ADGRD1: variants seen among roughly 807,000 people sequenced by gnomAD.
ADGRD1 encodes adhesion G protein-coupled receptor D1.
ADGRD1 carries 77 observed loss-of-function variants against 113.4 expected under a neutral mutation model. The observed-to-expected ratio is 0.68, with a 90% CI of 0.57 to 0.82. ADGRD1 has a LOEUF of 0.82. ADGRD1 is among the 40% of genes least tolerant of loss of function. ADGRD1 has a pLI of 0.00. For synonymous variants in ADGRD1, 474 were observed against 475.0 expected (o/e 1.00, Z 0.03); for missense variants, 1,036 against 1,139.1 (o/e 0.91, Z 1.30).
At chr12:131,097,416 C>T (rs1011492212) in intron 15 of ADGRD1, among the ~76,000 whole-genome samples, 1 of 152,236 alleles carries the variant, frequency 6.6e-6, no homozygotes, top group African/African-American at 2.4e-5. Flanking sequence ...CGTCCTGCAG[C>T]ACCCCTCAAG....
intron 13 of ADGRD1, among the ~76,000 whole-genome samples, chr12:131,045,408 C>T (rs888666934): frequency 1.3e-5 from 2 of 152,178 alleles, no homozygotes; most frequent in Non-Finnish European, 2.9e-5. Flanking sequence ...CAGGAGGATC[C>T]TGAAACTCTG....
chr12:131,120,774 A>G, intron 19 of ADGRD1, 73 bp from the exon 20 acceptor site: 1 of 1,463,050 alleles, frequency 6.8e-7, no homozygotes, highest in Non-Finnish European at 9.6e-7. Context: ...CACCTTAGCA[A>G]CTACTTTTGG....
At chr12:131,002,450 G>C (rs930559751) in intron 9 of ADGRD1, 3 of 902,096 alleles carry the variant, frequency 3.3e-6, no homozygotes, top group Non-Finnish European at 4.0e-6. Context: ...TCTGAAGTGC[G>C]TGTTTGTGGG....
rs1407746101 is a variant in ADGRD1, at chr12:131,096,131, G to A, written c.1672-8700G>A. Among the ~76,000 whole-genome samples, 7 of 152,286 alleles carry A rather than the reference G, an allele frequency of 4.6e-5. No homozygotes were observed. Among genetic ancestry groups the A allele is most frequent in the Admixed American group, 3.3e-4 (5 of 15,298 alleles). ...ACGCAGTTGCTGAGCCTGGGGCCCCGCTTTGCTCTTTGTTCTTTTTTTGTT... is the reference window on the plus strand; with the variant it reads ...ACGCAGTTGCTGAGCCTGGGGCCCCACTTTGCTCTTTGTTCTTTTTTTGTT... On this transcript the variant is annotated intron_variant, in intron 15 of 24. Coordinates refer to ENST00000261654, the MANE Select transcript of ADGRD1 (RefSeq NM_198827.5). The surrounding 1 kb of genome is among the most constrained non-coding windows in gnomAD (Gnocchi z 5.2).
chr12:130,963,624 A>G (rs1870673280), intron 2 of ADGRD1, among the ~76,000 whole-genome samples: 2 of 152,252 alleles, frequency 1.3e-5, no homozygotes, highest in African/African-American at 4.8e-5. Flanking sequence ...TATGAACCTT[A>G]GTATTCGTCC....
At chr12:131,045,177 C>G (rs983061472) in intron 13 of ADGRD1, among the ~76,000 whole-genome samples, 2 of 152,224 alleles carry the variant, frequency 1.3e-5, no homozygotes, top group African/African-American at 2.4e-5. Flanking sequence ...TCCGGGAGAG[C>G]GTGGATGAGC....
chr12:131,094,014 C>G (rs1396945222), intron 15 of ADGRD1, among the ~76,000 whole-genome samples: 9 of 98,292 alleles, frequency 9.2e-5, no homozygotes, highest in South Asian at 3.3e-4. Context: ...CACCCAGCCT[C>G]AGCACCCAGC....
intron 3 of ADGRD1, chr12:130,968,153 T>C (rs1175027631): frequency 6.6e-6 from 1 of 152,166 alleles, no homozygotes; most frequent in Non-Finnish European, 1.5e-5. Context: ...CTGAACTCAT[T>C]GTGGTGGCTT....
intron 13 of ADGRD1, among the ~76,000 whole-genome samples, chr12:131,033,437 C>T (rs1311857215): frequency 2.6e-5 from 4 of 152,230 alleles, no homozygotes; most frequent in Non-Finnish European, 4.4e-5. Context: ...CGTCCACATG[C>T]GGCCTTCCTT....
At position 131,098,324 on chromosome 12, in the gene ADGRD1, C is replaced by T. The variant is rs550161810; in HGVS notation, c.1672-6507C>T. Among the ~76,000 whole-genome samples, 13 of 152,152 alleles carry T rather than the reference C, an allele frequency of 8.5e-5. No individual in the cohort carries two copies. In the South Asian group the frequency reaches 1.7e-3, roughly 19 times the overall value. ...GGTGGATGGAGGCAGGTCAGAGGCA[C>T]GGGCTGGGGCTGGAGCATGCGGGGC... On this transcript the variant is annotated intron_variant, in intron 15 of 24. Transcript: ENST00000261654.
chr12:131,101,898 C>A (rs1470460329), intron 15 of ADGRD1, among the ~76,000 whole-genome samples: 2 of 152,146 alleles, frequency 1.3e-5, no homozygotes, highest in Non-Finnish European at 2.9e-5. Context: ...TGGTTTTATT[C>A]TTAGTTTCTG....
At chr12:131,130,578 T>C (rs747579931) in intron 20 of ADGRD1, among the ~76,000 whole-genome samples, 49 of 152,144 alleles carry the variant, frequency 3.2e-4, no homozygotes, top group Non-Finnish European at 5.1e-4. Context: ...GGGGAAGGGC[T>C]CACAGTGGAA....
chr12:131,046,126 G>A (rs1178512726), intron 13 of ADGRD1, among the ~76,000 whole-genome samples: 1 of 142,512 alleles, frequency 7.0e-6, no homozygotes, highest in South Asian at 2.3e-4. Flanking sequence ...GTCCTCCCTG[G>A]TCAGTGCTCC....
chr12:131,028,445 T>A (rs1435788931), intron 13 of ADGRD1, among the ~76,000 whole-genome samples: 1 of 152,210 alleles, frequency 6.6e-6, no homozygotes, highest in Non-Finnish European at 1.5e-5. Context: ...GTTTTCAACG[T>A]CAGTGCAGTC....
chr12:131,014,193 C>G lies in ADGRD1; in HGVS notation c.1332-6C>G. 1 of 1,613,284 alleles carries G rather than the reference C, an allele frequency of 6.2e-7. No homozygotes were observed. Among genetic ancestry groups the G allele is most frequent in the Middle Eastern group, 1.7e-4 (1 of 6,044 alleles). On this transcript the variant is annotated splice_polypyrimidine_tract_variant and splice_region_variant and intron_variant, in intron 12 of 24. Transcript: ENST00000261654. Reference sequence around the variant, plus strand: ...CATTTTGTAATGATTTCCGTCTCTTCCCAAGGATCGCGGAGGCCATGCATC... The same window carrying G: ...CATTTTGTAATGATTTCCGTCTCTTGCCAAGGATCGCGGAGGCCATGCATC...
At chr12:131,134,443 C>T (rs1951020652) in intron 21 of ADGRD1, among the ~76,000 whole-genome samples, 1 of 152,228 alleles carries the variant, frequency 6.6e-6, no homozygotes, top group South Asian at 2.1e-4. Flanking sequence ...AAAGTCAAAC[C>T]ATCACTTTAA....
intron 24 of ADGRD1, among the ~76,000 whole-genome samples, 167 bp from the exon 25 acceptor site, chr12:131,139,001 C>T (rs1339571969): frequency 6.6e-6 from 1 of 152,200 alleles, no homozygotes; most frequent in Non-Finnish European, 1.5e-5. Context: ...ACAGTGCGCA[C>T]ATCCTCATCT....
At chr12:131,102,127 A>G (rs1950102256) in intron 15 of ADGRD1, among the ~76,000 whole-genome samples, 2 of 152,162 alleles carry the variant, frequency 1.3e-5, no homozygotes, top group Non-Finnish European at 2.9e-5. Context: ...GCTTTTTCCA[A>G]ACTTATCTGA....
chr12:131,108,199 G>T (rs533046058), intron 17 of ADGRD1, among the ~76,000 whole-genome samples: 1 of 152,172 alleles, frequency 6.6e-6, no homozygotes, highest in African/African-American at 2.4e-5. Flanking sequence ...TTCAGTTCTG[G>T]GTAACTACAA....
Sources: allele counts gnomAD v4.1 joint callset (sites outside exome capture counted in the v4.1 genomes callset), GRCh38; gene constraint gnomAD v4.1.1; non-coding constraint Gnocchi (gnomAD v3.1); transcripts MANE v1.5; gene names NCBI Gene and HGNC (gene_info 2026-07-23, HGNC 2026-07-21).